Variants in MMS22L observed in about 807,000 individuals in gnomAD.
MMS22L encodes the protein protein MMS22-like.
In MMS22L, 74 loss-of-function variants were observed where a neutral mutation model predicts 159.1. That is an observed-to-expected ratio of 0.47 (90% CI 0.39 to 0.56). MMS22L has a LOEUF of 0.56. MMS22L is among the 20% of genes least tolerant of loss of function. MMS22L has a pLI of 0.00. For synonymous variants in MMS22L, 517 were observed against 506.9 expected (o/e 1.02, Z -0.27); for missense variants, 1,351 against 1,422.1 (o/e 0.95, Z 0.80).
rs113114139 is a variant in MMS22L, at chr6:97,228,749, C to T, written c.2039+145G>A. On this transcript the variant is annotated intron_variant, in intron 14 of 24. Transcript: ENST00000683635. ...TATATTCAACCTGTACTGATTTATGCCCATGTAGTAGAAAACTAAATCCTT... is the reference window on the plus strand; with the variant it reads ...TATATTCAACCTGTACTGATTTATGTCCATGTAGTAGAAAACTAAATCCTT... 584 of 707,334 alleles carry T rather than the reference C, an allele frequency of 8.3e-4. 4 individuals carry two copies. In the African/African-American group the frequency reaches 9.0e-3, roughly 11 times the overall value. 43.8% of individuals were successfully genotyped at this position (707,334 alleles called of 1,614,324 possible).
At chr6:97,231,321 A>T (rs527258597) in intron 13 of MMS22L, 105 bp downstream of exon 13, 22 of 785,188 alleles carry the variant, frequency 2.8e-5, no homozygotes, top group Middle Eastern at 4.7e-4. Flanking sequence ...TAGTAACATT[A>T]TAACTAATTA....
intron 3 of MMS22L, 30 bp downstream of exon 3, chr6:97,281,207 C>T (rs1816728111): frequency 6.3e-7 from 1 of 1,587,062 alleles, no homozygotes; most frequent in Admixed American, 1.9e-5. Context: ...ACAACACCTA[C>T]ACTCACAGAA....
At chr6:97,223,465 C>A (rs1252498209) in intron 14 of MMS22L, among the ~76,000 whole-genome samples, 1 of 151,924 alleles carries the variant, frequency 6.6e-6, no homozygotes, top group Non-Finnish European at 1.5e-5. Context: ...CTAAAGGGGG[C>A]GGCGAGCTTA....
chr6:97,281,098 T>C, intron 3 of MMS22L, 139 bp downstream of exon 3: 1 of 745,304 alleles, frequency 1.3e-6, no homozygotes, highest in Admixed American at 2.8e-5. Flanking sequence ...TTGATTATTG[T>C]TACTGGTAAG....
intron 14 of MMS22L, among the ~76,000 whole-genome samples, chr6:97,222,408 A>G (rs986702409): frequency 6.6e-6 from 1 of 152,056 alleles, no homozygotes; most frequent in African/African-American, 2.4e-5. Context: ...AGCATCTCAA[A>G]AAGGTAATTA....
chr6:97,272,247 T>C (rs544462233), intron 6 of MMS22L: 1 of 152,588 alleles, frequency 6.6e-6, no homozygotes, highest in South Asian at 2.1e-4. Flanking sequence ...TTAATCACAT[T>C]CCAAAAAGGC....
intron 21 of MMS22L, 24 bp from the exon 22 acceptor site, chr6:97,162,189 A>G (rs1228528590): frequency 6.3e-7 from 1 of 1,579,014 alleles, no homozygotes; most frequent in Non-Finnish European, 8.6e-7. Flanking sequence ...AAATTTGTTT[A>G]TTCTCTGCTT....
intron 22 of MMS22L, among the ~76,000 whole-genome samples, chr6:97,161,486 G>GT (rs1351842275): frequency 6.6e-6 from 1 of 152,046 alleles, no homozygotes; most frequent in Admixed American, 6.6e-5. Context: ...GATTACAGGT[G>GT]TGAGCCATTA....
chr6:97,277,614 CT>C (rs1328628748), intron 4 of MMS22L, among the ~76,000 whole-genome samples: 8 of 151,890 alleles, frequency 5.3e-5, no homozygotes, highest in African/African-American at 1.9e-4. Flanking sequence ...CAGGACAATA[CT>C]TTTTTACTAA....
chr6:97,149,086 GGT>G (rs1320513165), intron 24 of MMS22L, among the ~76,000 whole-genome samples: 1 of 152,170 alleles, frequency 6.6e-6, no homozygotes, highest in African/African-American at 2.4e-5. Flanking sequence ...ACATTGCCTA[GGT>G]GTGTGGTATA....
upstream of MMS22L, among the ~76,000 whole-genome samples, chr6:97,283,773 T>C (rs906865472): frequency 6.6e-6 from 1 of 152,162 alleles, no homozygotes; most frequent in African/African-American, 2.4e-5. Context: ...ACATGAAACA[T>C]TCACTAAGCG....
rs182810463 is a variant in MMS22L at position 97,177,533 on chromosome 6, G to T, written c.2679+910C>A. On this transcript the variant is annotated intron_variant, in intron 18 of 24. Transcript: ENST00000683635. ...GGGCTAGATGAAAACTATCAATGAA[G>T]AACTTGATTTCTAGCTCTATTTCTG... 7.3e-4 allele frequency among the ~76,000 whole-genome samples: 111 copies of T among 152,212 alleles called. 1 individual carries two copies. Among genetic ancestry groups the T allele is most frequent in the African/African-American group, 2.6e-3 (106 of 41,558 alleles).
At chr6:97,186,365 T>C in intron 15 of MMS22L, 132 bp downstream of exon 15, 3 of 590,782 alleles carry the variant, frequency 5.1e-6, no homozygotes, top group South Asian at 5.8e-5. Flanking sequence ...AATTTATTAA[T>C]ATGTAATTTG....
chr6:97,173,850 G>C (rs1803822945), intron 18 of MMS22L, among the ~76,000 whole-genome samples: 1 of 152,000 alleles, frequency 6.6e-6, no homozygotes, highest in Non-Finnish European at 1.5e-5. Context: ...ATGAGAAGAA[G>C]AGGAAAGGAA....
rs189633373 is a variant in MMS22L, at chr6:97,193,784, G to A, written c.2040-7094C>T. On this transcript the variant is annotated intron_variant, in intron 14 of 24. Coordinates refer to ENST00000683635, the MANE Select transcript of MMS22L (RefSeq NM_001350599.2). ...TATTTATTTATTTATTTTTTGAGAC[G>A]GAGTCTCGCTCTGTCACCCAGGCTG... Among the ~76,000 whole-genome samples the A allele has an allele frequency of 1.6e-4, 24 of 152,084 alleles. No individual in the cohort carries two copies. In the East Asian group the frequency reaches 1.9e-3, roughly 12 times the overall value.
rs951871586 is a variant in MMS22L, at chr6:97,142,748, A to G, written c.*4058T>C. On this transcript the variant is annotated 3_prime_UTR_variant, in exon 25 of 25. Coordinates refer to ENST00000683635, the MANE Select transcript of MMS22L (RefSeq NM_001350599.2). ...CTTGTCAAATTTTTATATAACATAC[A>G]ATTTTTAACTGTCAAAGATTCTGTG... 1 of 152,134 alleles carries G rather than the reference A, an allele frequency of 6.6e-6. No individual in the cohort carries two copies. The highest frequency in any genetic ancestry group is 6.5e-5 in the Admixed American group (1 of 15,270). The allele number at this position is 152,134 out of a possible 1,614,324, so 9.4% of individuals were successfully genotyped here.
chr6:97,156,306 A>G (rs150143393), intron 22 of MMS22L, among the ~76,000 whole-genome samples: 5,487 of 152,156 alleles, frequency 0.036, 105 homozygotes, highest in Middle Eastern at 0.071. Context: ...TTCTTTTGCT[A>G]TGCAGAAGCT....
intron 9 of MMS22L, among the ~76,000 whole-genome samples, chr6:97,257,495 C>A (rs1172993086): frequency 6.6e-6 from 1 of 151,968 alleles, no homozygotes; most frequent in East Asian, 1.9e-4. Flanking sequence ...ACTCTGTTGC[C>A]CAGGCTACAG....
chr6:97,238,598 TG>T (rs1161576385), intron 11 of MMS22L, among the ~76,000 whole-genome samples: 1 of 151,492 alleles, frequency 6.6e-6, no homozygotes, highest in East Asian at 2.0e-4. Flanking sequence ...TGTGTGTGTG[TG>T]TGTGTTTGAG....
Sources: gnomAD v4.1 joint callset for allele counts (sites outside exome capture counted in the v4.1 genomes callset) on GRCh38, gnomAD v4.1.1 for gene constraint, MANE v1.5 for transcripts, NCBI Gene and HGNC (gene_info 2026-07-23, HGNC 2026-07-21) for gene names.